TJP1: variants seen among roughly 807,000 people sequenced by gnomAD.
TJP1 encodes the protein tight junction protein 1, also known as tight junction protein ZO-1.
In TJP1, 43 loss-of-function variants were observed where a neutral mutation model predicts 194.2. The observed-to-expected ratio is 0.22, with a 90% CI of 0.17 to 0.29. The LOEUF is 0.29. Among genes scored for constraint, TJP1 ranks in the 10% least tolerant of loss-of-function variants. The pLI, the probability that TJP1 is intolerant of heterozygous loss-of-function variation, is 1.00. For synonymous variants in TJP1, 801 were observed against 779.0 expected (o/e 1.03, Z -0.47); for missense variants, 1,971 against 2,185.7 (o/e 0.90, Z 1.96).
chr15:29,763,767 C>CAAAAA (rs10680239), intron 5 of TJP1, among the ~76,000 whole-genome samples: 3 of 122,180 alleles, frequency 2.5e-5, no homozygotes, highest in Non-Finnish European at 3.3e-5. Context: ...GACTCCGTCT[C>CAAAAA]AAAAAAAAAA....
intron 2 of TJP1, among the ~76,000 whole-genome samples, chr15:29,918,184 C>T (rs1338848547): frequency 6.6e-6 from 1 of 152,162 alleles, no homozygotes; most frequent in Non-Finnish European, 1.5e-5. Context: ...AGCTGAATAC[C>T]ACTCTATAGT....
intron 2 of TJP1, among the ~76,000 whole-genome samples, chr15:29,839,504 G>A (rs757799961): frequency 1.3e-5 from 2 of 152,138 alleles, no homozygotes; most frequent in Non-Finnish European, 2.9e-5. Flanking sequence ...AATTAGCAGG[G>A]TGTGGTGGTG....
chr15:29,772,389 C>T (rs1053093333), intron 3 of TJP1, among the ~76,000 whole-genome samples: 3 of 152,096 alleles, frequency 2.0e-5, no homozygotes, highest in Non-Finnish European at 4.4e-5. Context: ...TTTTTTAAGT[C>T]ATTAACAAAG....
intron 1 of TJP1, among the ~76,000 whole-genome samples, chr15:29,813,733 G>A (rs2049700298): frequency 6.6e-6 from 1 of 152,044 alleles, no homozygotes; most frequent in Admixed American, 6.6e-5. Context: ...GGCATGTTAG[G>A]GATTCTAGCA....
At chr15:29,783,847 C>A (rs946344196) in intron 2 of TJP1, among the ~76,000 whole-genome samples, 6 of 152,074 alleles carry the variant, frequency 3.9e-5, no homozygotes, top group African/African-American at 1.5e-4. Flanking sequence ...AGTAACTATT[C>A]GGTACTAGGC....
intron 2 of TJP1, among the ~76,000 whole-genome samples, chr15:29,830,874 A>G (rs137859311): frequency 2.0e-4 from 31 of 152,340 alleles, no homozygotes; most frequent in African/African-American, 7.0e-4. Context: ...AAGTTCTCAA[A>G]GAATAATGAG....
intron 2 of TJP1, among the ~76,000 whole-genome samples, chr15:29,778,506 G>A (rs1190990004): frequency 6.6e-6 from 1 of 151,940 alleles, no homozygotes; most frequent in East Asian, 1.9e-4. Context: ...CCTTTCAACA[G>A]ATTTCTCACC....
chr15:29,840,136 G>A (rs1377017538), intron 2 of TJP1, among the ~76,000 whole-genome samples: 1 of 152,120 alleles, frequency 6.6e-6, no homozygotes, highest in African/African-American at 2.4e-5. Flanking sequence ...ATATTTATGT[G>A]CAAGGACTTT....
chr15:29,721,084 A>G (rs1238314829), intron 18 of TJP1, among the ~76,000 whole-genome samples: 1 of 152,230 alleles, frequency 6.6e-6, no homozygotes, highest in African/African-American at 2.4e-5. Flanking sequence ...AGCTCACAGA[A>G]ACAAGGACAC....
rs2044112740 is a variant in TJP1 at position 29,737,485 on chromosome 15, A to C, written c.1257-71T>G. 3 of 1,523,042 alleles carry C rather than the reference A, an allele frequency of 2.0e-6. No homozygotes were observed. The East Asian group carries it at 6.8e-5, about 34-fold the overall frequency. The allele number at this position is 1,523,042 out of a possible 1,614,324, so 94.3% of individuals were successfully genotyped here. The stretch of plus-strand genomic sequence containing the variant: ...AACGTTATAGCAATCACTACAGTGA[A>C]AACTATATTCAGAATTAAATAAAGA... On this transcript the variant is annotated intron_variant, in intron 10 of 27. Coordinates refer to ENST00000614355, the MANE Select transcript of TJP1 (RefSeq NM_001330239.4).
At chr15:29,793,195 A>G (rs1465984873) in intron 2 of TJP1, among the ~76,000 whole-genome samples, 1 of 152,198 alleles carries the variant, frequency 6.6e-6, no homozygotes, top group Non-Finnish European at 1.5e-5. Flanking sequence ...CAGATCTTAC[A>G]GGAAAGGCTT....
chr15:29,897,067 G>A (rs143728926), intron 2 of TJP1, among the ~76,000 whole-genome samples: 3 of 152,310 alleles, frequency 2.0e-5, no homozygotes, highest in East Asian at 3.9e-4. Flanking sequence ...CCAAGACAAT[G>A]GGGAAAATGT....
intron 2 of TJP1, among the ~76,000 whole-genome samples, chr15:29,794,380 G>T (rs959270508): frequency 6.6e-6 from 1 of 152,048 alleles, no homozygotes; most frequent in African/African-American, 2.4e-5. Context: ...TTTCTGGGCT[G>T]CCCTCTCATG....
chr15:29,920,115 G>C (rs1485770096), intron 2 of TJP1, among the ~76,000 whole-genome samples: 1 of 152,192 alleles, frequency 6.6e-6, no homozygotes, highest in African/African-American at 2.4e-5. Flanking sequence ...CTGGGGCACT[G>C]CCAGGTAAGG....
intron 1 of TJP1, among the ~76,000 whole-genome samples, chr15:29,961,715 C>T (rs2056171780): frequency 6.6e-6 from 1 of 152,120 alleles, no homozygotes; most frequent in Non-Finnish European, 1.5e-5. Flanking sequence ...ACTTGATCTG[C>T]CCATTTCCCT....
intron 2 of TJP1, among the ~76,000 whole-genome samples, chr15:29,945,728 G>C (rs1444122461): frequency 6.6e-6 from 1 of 152,032 alleles, no homozygotes; most frequent in Admixed American, 6.6e-5. Context: ...AAAGAACTAT[G>C]AGGCAAGGAA....
In TJP1 at chr15:29,741,469, T is replaced by C. The variant is rs369037826; in HGVS notation, c.1151-33A>G. 21 of 1,443,014 alleles carry C rather than the reference T, an allele frequency of 1.5e-5. No individual in the cohort carries two copies. In the African/African-American group the frequency reaches 2.4e-4, roughly 16 times the overall value. 89.4% of individuals were successfully genotyped at this position (1,443,014 alleles called of 1,614,324 possible). Reference sequence around the variant, plus strand: ...AAAAAAAATTGAGTAGGACTCACTTTAGAAAAACATGGAATAATAATGCAA... The same window carrying C: ...AAAAAAAATTGAGTAGGACTCACTTCAGAAAAACATGGAATAATAATGCAA... On this transcript the variant is annotated intron_variant, in intron 9 of 27. Transcript: ENST00000614355.
At chr15:29,813,625 A>G (rs1160525284) in intron 1 of TJP1, among the ~76,000 whole-genome samples, 1 of 152,220 alleles carries the variant, frequency 6.6e-6, no homozygotes, top group African/African-American at 2.4e-5. Context: ...TTCAGAATGC[A>G]TAATTAGGTG....
At chr15:29,811,373 G>C (rs1567076474) in intron 1 of TJP1, among the ~76,000 whole-genome samples, 1 of 147,288 alleles carries the variant, frequency 6.8e-6, no homozygotes, top group Non-Finnish European at 1.5e-5. Flanking sequence ...AGGGGAAGAG[G>C]GGGGTATGAT....
Sources: gnomAD v4.1 joint callset for allele counts (sites outside exome capture counted in the v4.1 genomes callset) on GRCh38, gnomAD v4.1.1 for gene constraint, MANE v1.5 for transcripts, NCBI Gene and HGNC (gene_info 2026-07-23, HGNC 2026-07-21) for gene names.